Variants in ZFR observed in about 807,000 individuals in gnomAD.
The protein encoded by ZFR is zinc finger RNA binding protein, also known as zinc finger RNA-binding protein.
In ZFR, 19 loss-of-function variants were observed where a neutral mutation model predicts 130.7. The observed-to-expected ratio is 0.15, with a 90% CI of 0.10 to 0.21. ZFR has a LOEUF of 0.21. ZFR is among the 10% of genes least tolerant of loss of function. The pLI is 1.00. For missense variants in ZFR, 872 were observed against 1,321.5 expected, an observed-to-expected ratio of 0.66 and a Z score of 5.27; for synonymous variants, 466 against 456.9, an observed-to-expected ratio of 1.02 and a Z score of -0.25.
intron 11 of ZFR, among the ~76,000 whole-genome samples, chr5:32,393,714 T>G (rs1167911159): frequency 6.6e-6 from 1 of 152,174 alleles, no homozygotes; most frequent in Non-Finnish European, 1.5e-5. Flanking sequence ...CCTTGATAAT[T>G]GAGGATAAAG....
intron 17 of ZFR, among the ~76,000 whole-genome samples, chr5:32,375,836 T>C (rs995936526): frequency 6.7e-6 from 1 of 150,044 alleles, no homozygotes; most frequent in Non-Finnish European, 1.5e-5. Context: ...CGATTTATAG[T>C]TTTTAAATTA....
chr5:32,365,919 C>T (rs1375143279), intron 17 of ZFR, among the ~76,000 whole-genome samples: 3 of 151,964 alleles, frequency 2.0e-5, no homozygotes, highest in East Asian at 1.9e-4. Flanking sequence ...TCATTTTTTA[C>T]GGATTTTCAT....
At chr5:32,392,776 C>T (rs1456585902) in intron 11 of ZFR, among the ~76,000 whole-genome samples, 2 of 152,136 alleles carry the variant, frequency 1.3e-5, no homozygotes, top group Non-Finnish European at 2.9e-5. Context: ...GGGCAGATCA[C>T]TTGAGGCCAG....
intron 5 of ZFR, among the ~76,000 whole-genome samples, chr5:32,413,152 G>A (rs1427659701): frequency 1.3e-5 from 2 of 151,738 alleles, no homozygotes; most frequent in African/African-American, 4.8e-5. Flanking sequence ...TGGTACCACT[G>A]CACTCCAGCC....
At chr5:32,362,438 G>A (rs868530239) in intron 19 of ZFR, among the ~76,000 whole-genome samples, 1 of 152,062 alleles carries the variant, frequency 6.6e-6, no homozygotes, top group Non-Finnish European at 1.5e-5. Context: ...TAACATGGGC[G>A]CTACAGGCCA....
intron 19 of ZFR, among the ~76,000 whole-genome samples, chr5:32,359,856 A>G (rs1375629858): frequency 6.6e-6 from 1 of 152,058 alleles, no homozygotes; most frequent in Non-Finnish European, 1.5e-5. Context: ...AGGCTGAGGC[A>G]GGAAAATCGC....
At chr5:32,383,297 T>G (rs1752972089) in intron 15 of ZFR, among the ~76,000 whole-genome samples, 1 of 152,200 alleles carries the variant, frequency 6.6e-6, no homozygotes, top group African/African-American at 2.4e-5. Flanking sequence ...TTCCGATGTC[T>G]TGGCAGCAAC....
chr5:32,441,161 G>A (rs1003806954), intron 2 of ZFR, among the ~76,000 whole-genome samples: 2 of 152,114 alleles, frequency 1.3e-5, no homozygotes, highest in South Asian at 4.1e-4. Context: ...TTTAGTAGTA[G>A]AGACCGGGTT....
chr5:32,438,252 AATTTT>A lies in ZFR; in HGVS notation c.137+5972_137+5976del, dbSNP rs1458081575. Among the ~76,000 whole-genome samples the A allele has an allele frequency of 2.9e-3, 246 of 83,418 alleles. 14 individuals are homozygous for A. The highest frequency in any genetic ancestry group is 8.3e-3 in the South Asian group (23 of 2,772). The allele number at this position is 83,418 out of a possible 152,430, so 54.7% of individuals were successfully genotyped here. On this transcript the variant is annotated intron_variant, in intron 2 of 19. Transcript: ENST00000265069. ...AAGAATGCTACTGATTTTATCTGAA[AATTTT>A]TTTTTTTTTTTTTTTTTTTTTTTGA...
At chr5:32,391,133 T>C (rs1203338163) in intron 11 of ZFR, among the ~76,000 whole-genome samples, 1 of 152,224 alleles carries the variant, frequency 6.6e-6, no homozygotes, top group Non-Finnish European at 1.5e-5. Flanking sequence ...TTTTGAGCAG[T>C]GTGATGAAAT....
chr5:32,397,368 T>A, intron 9 of ZFR, 30 bp from the exon 10 acceptor site: 2 of 1,606,790 alleles, frequency 1.2e-6, no homozygotes, highest in Non-Finnish European at 1.7e-6. Flanking sequence ...TCAAGAATCA[T>A]CATAGTTGAA....
chr5:32,430,640 A>T (rs771205258), intron 2 of ZFR, among the ~76,000 whole-genome samples: 2 of 152,216 alleles, frequency 1.3e-5, no homozygotes, highest in Non-Finnish European at 2.9e-5. Context: ...ACAGTAAGAT[A>T]TATCTAAGTG....
chr5:32,409,613 CCAGGGTGGT>C, intron 5 of ZFR, among the ~76,000 whole-genome samples: 1 of 152,082 alleles, frequency 6.6e-6, no homozygotes, highest in Non-Finnish European at 1.5e-5. Context: ...ACCATGGTGG[CCAGGGTGGT>C]CTGAAACTCC....
At chr5:32,436,993 T>G (rs1313074902) in intron 2 of ZFR, among the ~76,000 whole-genome samples, 1 of 152,222 alleles carries the variant, frequency 6.6e-6, no homozygotes, top group East Asian at 1.9e-4. Flanking sequence ...ACAGACTGTT[T>G]GCCCAAGGTC....
intron 2 of ZFR, among the ~76,000 whole-genome samples, chr5:32,420,957 A>C (rs960224237): frequency 5.9e-5 from 9 of 152,354 alleles, no homozygotes; most frequent in African/African-American, 2.2e-4. Flanking sequence ...TTGTAAAAGA[A>C]GACACAAATC....
intron 2 of ZFR, among the ~76,000 whole-genome samples, chr5:32,438,171 TATAC>T (rs1474669207): frequency 1.3e-5 from 2 of 151,436 alleles, no homozygotes; most frequent in Non-Finnish European, 2.9e-5. Flanking sequence ...ATTTGGTGGC[TATAC>T]ATAAACAGGA....
At chr5:32,402,613 G>GA (rs61102954) in intron 8 of ZFR, among the ~76,000 whole-genome samples, 22,886 of 121,766 alleles carry the variant, frequency 0.19, 2,263 homozygotes, top group African/African-American at 0.32. Flanking sequence ...CCAAAAAAAA[G>GA]AAAAAAAAAA....
intron 5 of ZFR, among the ~76,000 whole-genome samples, chr5:32,414,680 G>GT (rs913060919): frequency 1.6e-4 from 25 of 152,130 alleles, no homozygotes; most frequent in African/African-American, 6.0e-4. Flanking sequence ...AAACAATCCT[G>GT]TAGAAAACTC....
chr5:32,418,938 A>G (rs376194431), intron 3 of ZFR, among the ~76,000 whole-genome samples: 6 of 152,366 alleles, frequency 3.9e-5, no homozygotes, highest in East Asian at 3.9e-4. Flanking sequence ...TAGAATTCCT[A>G]TAAGACTGAG....
Sources: gnomAD v4.1 joint callset for allele counts (sites outside exome capture counted in the v4.1 genomes callset) on GRCh38, gnomAD v4.1.1 for gene constraint, MANE v1.5 for transcripts, NCBI Gene and HGNC (gene_info 2026-07-23, HGNC 2026-07-21) for gene names.